Variants in MDH2 observed in about 807,000 individuals in gnomAD.
MDH2 encodes the protein malate dehydrogenase 2, also known as malate dehydrogenase, mitochondrial.
In MDH2, 25 loss-of-function variants were observed where a neutral mutation model predicts 33.6. The ratio of observed to expected loss-of-function variants is 0.74; its 90% confidence interval spans 0.54 to 1.04. The LOEUF (loss-of-function observed/expected upper bound fraction) is 1.04, where lower values mean the gene tolerates loss of function less well. Among genes scored for constraint, MDH2 ranks in the 50% least tolerant of loss-of-function variants. The probability of loss-of-function intolerance (pLI) is 0.00; values close to 1 mark genes in which losing one functional copy is unlikely to be tolerated. For synonymous variants in MDH2, 193 were observed against 188.7 expected, an observed-to-expected ratio of 1.02 and a Z score of -0.19; for missense variants, 432 against 445.0, an observed-to-expected ratio of 0.97 and a Z score of 0.26.
rs782344021 is a variant in MDH2 at position 76,064,931 on chromosome 7, TCTC to T, written c.865_867del (p.Ser289del). 1.2e-6 allele frequency: 2 copies of T among 1,614,038 alleles called. No homozygotes were observed. Among genetic ancestry groups the T allele is most frequent in the Non-Finnish European group, 1.7e-6 (2 of 1,180,024 alleles). On this transcript the variant is annotated inframe_deletion, in exon 8 of 9. Transcript: ENST00000315758. ...TCACAGGAAACGGAATGTACCTACT[TCTC>T]CACACCGCTGCTGCTTGGGGTACGT... is the stretch of plus-strand genomic sequence containing the variant.
intron 4 of MDH2, among the ~76,000 whole-genome samples, chr7:76,059,528 G>A (rs781970947): frequency 6.6e-6 from 1 of 152,240 alleles, no homozygotes; most frequent in Non-Finnish European, 1.5e-5. Context: ...TGAGAGGGCG[G>A]CCATGGTTCC....
intron 4 of MDH2, among the ~76,000 whole-genome samples, chr7:76,058,475 G>GCCTGAAC (rs1263643122): frequency 6.6e-6 from 1 of 152,136 alleles, no homozygotes; most frequent in Non-Finnish European, 1.5e-5. Context: ...CCCAGTAGGT[G>GCCTGAAC]CCTGAACCCT....
In MDH2 at chr7:76,048,250, G is replaced by A. The variant is rs782348159; in HGVS notation, c.66+24G>A. 6 of 1,529,574 alleles carry A rather than the reference G, an allele frequency of 3.9e-6. No individual in the cohort carries two copies. In the South Asian group the frequency reaches 6.0e-5, roughly 15 times the overall value. 94.8% of individuals were successfully genotyped at this position (1,529,574 alleles called of 1,614,324 possible). A position where few individuals can be genotyped will look rare whatever the true frequency, so the allele number is the denominator to read the frequency against. On this transcript the variant is annotated intron_variant, in intron 1 of 8. Transcript: ENST00000315758. ...AGGTAGGCCAGACGAGGGGCGGCCT[G>A]CAGGCGGAGGCCCCCCGGCCCGGGC... is the stretch of plus-strand genomic sequence containing the variant.
intron 5 of MDH2, 50 bp downstream of exon 5, chr7:76,060,548 C>T (rs1797918143): frequency 6.2e-7 from 1 of 1,603,676 alleles, no homozygotes; most frequent in Non-Finnish European, 8.5e-7. Flanking sequence ...ACTTCTCCCG[C>T]CACCCGTGCT....
At position 76,062,103 on chromosome 7, in the gene MDH2, G is replaced by C. The variant is rs555965667; in HGVS notation, c.556-1412G>C. Among the ~76,000 whole-genome samples, 7 of 152,266 alleles carry C rather than the reference G, an allele frequency of 4.6e-5. No individual in the cohort carries two copies. The South Asian group carries it at 1.5e-3, about 32-fold the overall frequency. ...AGTGAAGTGGACTGTCATTACCCCTGGCTGCCTGACATTCTGGAAATTTCC... is the reference window on the plus strand; with the variant it reads ...AGTGAAGTGGACTGTCATTACCCCTCGCTGCCTGACATTCTGGAAATTTCC... On this transcript the variant is annotated intron_variant, in intron 5 of 8. Coordinates refer to ENST00000315758, the MANE Select transcript of MDH2 (RefSeq NM_005918.4).
At chr7:76,058,862 G>A (rs1797864028) in intron 4 of MDH2, among the ~76,000 whole-genome samples, 5 of 152,234 alleles carry the variant, frequency 3.3e-5, no homozygotes, top group Admixed American at 2.0e-4. Context: ...GGCAGGTGGT[G>A]TAGACGCATG....
rs1358778154 is a variant in MDH2 at position 76,048,356 on chromosome 7, G to A, written c.66+130G>A. 3.0e-6 allele frequency: 4 copies of A among 1,331,598 alleles called. No homozygotes were observed. The African/African-American group carries it at 4.6e-5, about 15-fold the overall frequency. The allele number at this position is 1,331,598 out of a possible 1,614,324, so 82.5% of individuals were successfully genotyped here. ...GCAGGGATGCCCGGCACTGGCTGGAGACTGTGGCGCCCGGGGCAGGCCCTG... is the reference window on the plus strand; with the variant it reads ...GCAGGGATGCCCGGCACTGGCTGGAAACTGTGGCGCCCGGGGCAGGCCCTG... On this transcript the variant is annotated intron_variant, in intron 1 of 8. Transcript: ENST00000315758.
intron 5 of MDH2, among the ~76,000 whole-genome samples, chr7:76,062,532 G>A (rs1308850240): frequency 2.6e-5 from 4 of 152,196 alleles, no homozygotes; most frequent in African/African-American, 9.7e-5. Flanking sequence ...TCCAACCTAG[G>A]ACTGGGCTCT....
intron 2 of MDH2, among the ~76,000 whole-genome samples, chr7:76,056,937 C>T (rs1220939444): frequency 2.0e-5 from 3 of 151,800 alleles, no homozygotes; most frequent in Admixed American, 6.6e-5. Context: ...CACATGAAGC[C>T]GGGAGGTGGA....
At chr7:76,063,040 G>A (rs1797996047) in intron 5 of MDH2, among the ~76,000 whole-genome samples, 1 of 152,226 alleles carries the variant, frequency 6.6e-6, no homozygotes, top group African/African-American at 2.4e-5. Flanking sequence ...GTTTGAGGTG[G>A]CAGACTTCTA....
chr7:76,049,595 G>A (rs1797537920), intron 1 of MDH2, among the ~76,000 whole-genome samples: 1 of 152,138 alleles, frequency 6.6e-6, no homozygotes, highest in South Asian at 2.1e-4. Flanking sequence ...CAACCAAAGA[G>A]AGGACAGGGG....
At chr7:76,064,577 G>A (rs935479215) in intron 7 of MDH2, 139 bp downstream of exon 7, 5 of 946,126 alleles carry the variant, frequency 5.3e-6, no homozygotes, top group Admixed American at 2.6e-5. Flanking sequence ...GAAAATCCCT[G>A]TGTGAGAGGG....
intron 4 of MDH2, among the ~76,000 whole-genome samples, chr7:76,059,430 G>A (rs782407403): frequency 2.0e-5 from 3 of 152,110 alleles, no homozygotes; most frequent in Non-Finnish European, 4.4e-5. Context: ...ACACAGTCGC[G>A]GACACACACA....
intron 8 of MDH2, 106 bp downstream of exon 8, chr7:76,065,059 C>A: frequency 1.5e-6 from 2 of 1,356,786 alleles, no homozygotes; most frequent in Non-Finnish European, 2.1e-6. Flanking sequence ...GCTCATGTGC[C>A]TGCCTGGCGA....
At chr7:76,055,602 T>C (rs1336983075) in intron 2 of MDH2, among the ~76,000 whole-genome samples, 1 of 151,740 alleles carries the variant, frequency 6.6e-6, no homozygotes, top group African/African-American at 2.4e-5. Context: ...CTGGGCGTGA[T>C]AGTGCACACC....
chr7:76,060,606 C>A lies in MDH2; in HGVS notation c.555+108C>A. 3.4e-6 allele frequency: 5 copies of A among 1,482,446 alleles called. 1 individual carries two copies. In the South Asian group the frequency reaches 6.7e-5, roughly 20 times the overall value. 91.8% of individuals were successfully genotyped at this position (1,482,446 alleles called of 1,614,324 possible). On this transcript the variant is annotated intron_variant, in intron 5 of 8. Transcript: ENST00000315758. Reference sequence around the variant, plus strand: ...GAAGGCATGCCCAGGTCACGTGTCACTTTGGGGTTTTAAATGTTTTTAGAG... The same window carrying A: ...GAAGGCATGCCCAGGTCACGTGTCAATTTGGGGTTTTAAATGTTTTTAGAG...
chr7:76,052,562 ATTTTTTT>A (rs781982527), intron 1 of MDH2, among the ~76,000 whole-genome samples: 3 of 133,214 alleles, frequency 2.3e-5, no homozygotes, highest in Admixed American at 7.6e-5. Flanking sequence ...GCTTTGGAAG[ATTTTTTT>A]TTTTTTTTTT....
At chr7:76,054,203 G>C (rs894694251) in intron 1 of MDH2, among the ~76,000 whole-genome samples, 1 of 152,048 alleles carries the variant, frequency 6.6e-6, no homozygotes, top group African/African-American at 2.4e-5. Flanking sequence ...TGACTCACCA[G>C]GAGGGTTGGA....
At chr7:76,057,315 C>A in intron 2 of MDH2, 95 bp from the exon 3 acceptor site, 1 of 1,276,654 alleles carries the variant, frequency 7.8e-7, no homozygotes, top group Non-Finnish European at 1.1e-6. Flanking sequence ...TAGCCTTTCT[C>A]GAGGCCATTA....
Sources: allele counts gnomAD v4.1 joint callset (sites outside exome capture counted in the v4.1 genomes callset), GRCh38; gene constraint gnomAD v4.1.1; transcripts MANE v1.5; gene names NCBI Gene and HGNC (gene_info 2026-07-23, HGNC 2026-07-21).